TFRC: variants seen among roughly 807,000 people sequenced by gnomAD.
The protein encoded by TFRC is transferrin receptor protein 1.
In TFRC, 35 loss-of-function variants were observed where a neutral mutation model predicts 85.8. The ratio of observed to expected loss-of-function variants is 0.41; its 90% CI spans 0.31 to 0.54. The LOEUF (loss-of-function observed/expected upper bound fraction) is 0.54. TFRC is among the 20% of genes least tolerant of loss of function. TFRC has a pLI of 0.31. For missense variants in TFRC, 828 were observed against 921.5 expected (o/e 0.90, Z 1.31); for synonymous variants, 362 against 328.6 (o/e 1.10, Z -1.10).
intron 6 of TFRC, chr3:196,069,814 T>C (rs546927130): frequency 2.9e-6 from 1 of 346,046 alleles, no homozygotes; most frequent in Admixed American, 4.4e-5. Context: ...CTGCCTTTCA[T>C]CTGAAGGGCA....
chr3:196,064,270 G>A, intron 11 of TFRC, 39 bp downstream of exon 11: 1 of 1,592,216 alleles, frequency 6.3e-7, no homozygotes, highest in South Asian at 1.1e-5. Context: ...ACTGTATGCA[G>A]TGCACCAATA....
chr3:196,062,656 A>G lies in TFRC; in HGVS notation c.1405-11T>C. The G allele has an allele frequency of 6.3e-7, 1 of 1,599,422 alleles. No individual in the cohort carries two copies. The highest frequency in any genetic ancestry group is 8.5e-7 in the Non-Finnish European group (1 of 1,174,628). Reference sequence around the variant, plus strand: ...GGACGAAAGGTATCCCTAGAAGAGAAGGGAAAACACTAATAAGTATAAATC... The same window carrying G: ...GGACGAAAGGTATCCCTAGAAGAGAGGGGAAAACACTAATAAGTATAAATC... On this transcript the variant is annotated splice_polypyrimidine_tract_variant and intron_variant, in intron 12 of 18. Coordinates refer to ENST00000360110, the MANE Select transcript of TFRC (RefSeq NM_001128148.3).
intron 3 of TFRC, chr3:196,074,569 C>T (rs922680199): frequency 1.3e-5 from 2 of 156,746 alleles, no homozygotes; most frequent in African/African-American, 4.8e-5. Context: ...TCATGATTGT[C>T]TTCCTAGTGG....
intron 8 of TFRC, 52 bp downstream of exon 8, chr3:196,067,980 C>T (rs911363705): frequency 6.8e-7 from 1 of 1,472,444 alleles, no homozygotes; most frequent in Non-Finnish European, 9.4e-7. Flanking sequence ...TACAGGAATC[C>T]AAGAACAACT....
At chr3:196,080,655 C>T (rs747560317) in intron 1 of TFRC, among the ~76,000 whole-genome samples, 4 of 152,252 alleles carry the variant, frequency 2.6e-5, no homozygotes, top group African/African-American at 9.6e-5. Flanking sequence ...GCGGAGTTAG[C>T]CAAACTGCTG....
chr3:196,081,129 A>G (rs1385820786), intron 1 of TFRC, among the ~76,000 whole-genome samples: 3 of 152,190 alleles, frequency 2.0e-5, no homozygotes, highest in Admixed American at 2.0e-4. Flanking sequence ...AATGTGACAC[A>G]ATCGGCCTCT....
intron 2 of TFRC, 53 bp downstream of exon 2, chr3:196,077,011 C>T: frequency 6.5e-7 from 1 of 1,528,716 alleles, no homozygotes; most frequent in Non-Finnish European, 9.0e-7. Context: ...TAAAGTCATG[C>T]TTGTATATTT....
At chr3:196,079,330 C>T (rs770714746) in intron 1 of TFRC, among the ~76,000 whole-genome samples, 8 of 152,154 alleles carry the variant, frequency 5.3e-5, no homozygotes, top group African/African-American at 1.9e-4. Flanking sequence ...AAGCGATGGC[C>T]GGGCATGGTG....
rs1242795586 is a variant in TFRC, at chr3:196,060,179, C to T, written c.1536+1G>A. The T allele has an allele frequency of 6.2e-7, 1 of 1,613,054 alleles. No homozygotes were observed. Among genetic ancestry groups the T allele is most frequent in the Non-Finnish European group, 8.5e-7 (1 of 1,179,476 alleles). Reference sequence around the variant, plus strand: ...ATTTTTGTAATGAGGTATATACTCACATTTTGCATTGTTTTCTCAATAAGC... The same window carrying T: ...ATTTTTGTAATGAGGTATATACTCATATTTTGCATTGTTTTCTCAATAAGC... On this transcript the variant is annotated splice_donor_variant, in intron 14 of 18. Transcript: ENST00000360110. LOFTEE classifies it high-confidence loss of function.
chr3:196,076,314 A>AC (rs1553799859), intron 2 of TFRC, among the ~76,000 whole-genome samples: 1 of 149,238 alleles, frequency 6.7e-6, no homozygotes, highest in Admixed American at 6.7e-5. Flanking sequence ...TTAAAATTTC[A>AC]TTTTTTTTTT....
chr3:196,058,170 T>C, intron 16 of TFRC, 114 bp downstream of exon 16: 5 of 758,622 alleles, frequency 6.6e-6, no homozygotes, highest in African/African-American at 1.8e-5. Context: ...CCTCTGAATA[T>C]GTACATAGTT....
chr3:196,067,584 C>A lies in TFRC; in HGVS notation c.974G>T (p.Arg325Leu), dbSNP rs200128950. The A allele has an allele frequency of 6.2e-7, 1 of 1,613,958 alleles. No individual in the cohort carries two copies. The highest frequency in any genetic ancestry group is 8.5e-7 in the Non-Finnish European group (1 of 1,180,008). The change falls in exon 9 of 19, where the codon CGG becomes CTG. Residue 325 changes from arginine (R) to leucine (L), a missense_variant. Arg to Leu is a moderately radical substitution (Grantham distance 102, BLOSUM62 -2). Coordinates refer to ENST00000360110, the MANE Select transcript of TFRC (RefSeq NM_001128148.3). ...AGGTATATTAGGCAATCCTGATGACCGAGATGGTGGAAACTGAGTGTGATT... is the reference window on the plus strand; with the variant it reads ...AGGTATATTAGGCAATCCTGATGACAGAGATGGTGGAAACTGAGTGTGATT... Reference protein sequence around the residue: ...SFNHTQFPPSRSSGLPNIPVQ... With the variant: ...SFNHTQFPPSLSSGLPNIPVQ...
chr3:196,056,463 G>A (rs1003266623), intron 16 of TFRC, among the ~76,000 whole-genome samples: 14 of 152,174 alleles, frequency 9.2e-5, no homozygotes, highest in Non-Finnish European at 1.8e-4. Flanking sequence ...GCAATGGCAC[G>A]ATCTCGGCTC....
At chr3:196,056,376 C>T (rs1716796782) in intron 16 of TFRC, among the ~76,000 whole-genome samples, 1 of 152,136 alleles carries the variant, frequency 6.6e-6, no homozygotes, top group African/African-American at 2.4e-5. Context: ...AGCCACTGCT[C>T]AATCACTCAA....
intron 8 of TFRC, 65 bp from the exon 9 acceptor site, chr3:196,067,722 G>T: frequency 6.3e-7 from 1 of 1,574,972 alleles, no homozygotes. Flanking sequence ...GTAAGATTCA[G>T]GTTTGGTATA....
chr3:196,053,745 C>A (rs1243835373), intron 17 of TFRC, among the ~76,000 whole-genome samples, 187 bp from the exon 18 acceptor site: 1 of 152,158 alleles, frequency 6.6e-6, no homozygotes, highest in Non-Finnish European at 1.5e-5. Context: ...CATATTTGAG[C>A]CCAGCATGTA....
intron 8 of TFRC, 127 bp downstream of exon 8, chr3:196,067,905 G>A (rs1283988587): frequency 1.3e-6 from 1 of 794,360 alleles, no homozygotes; most frequent in Admixed American, 3.0e-5. Flanking sequence ...CTATCTTCTT[G>A]CTTACTGCTA....
intron 7 of TFRC, among the ~76,000 whole-genome samples, chr3:196,068,549 T>C (rs1437196248): frequency 3.6e-5 from 5 of 138,390 alleles, no homozygotes; most frequent in Non-Finnish European, 6.0e-5. Context: ...AGGCAGAGGT[T>C]GCAGTGAGCC....
rs776990727 is a variant in TFRC, at chr3:196,062,634, C to T, written c.1416G>A (p.Ser472=). The T allele has an allele frequency of 3.3e-5, 53 of 1,609,274 alleles. No homozygotes were observed. The highest frequency in any genetic ancestry group is 1.9e-4 in the South Asian group (17 of 90,016). The stretch of plus-strand genomic sequence containing the variant: ...AAGTGAAAGCCTTTAAATGCAGGGA[C>T]GAAAGGTATCCCTAGAAGAGAAGGG... ...GATEWLEGYL[S]SLHLKAFTYI... is the part of the protein sequence containing the mutation. Residue 472 remains serine, a synonymous_variant, in exon 13 of 19, where the codon TCG becomes TCA. Coordinates refer to ENST00000360110, the MANE Select transcript of TFRC (RefSeq NM_001128148.3).
Sources: allele counts gnomAD v4.1 joint callset (sites outside exome capture counted in the v4.1 genomes callset), GRCh38; gene constraint gnomAD v4.1.1; transcripts MANE v1.5; gene names NCBI Gene and HGNC (gene_info 2026-07-23, HGNC 2026-07-21).